MYH15: variants seen among roughly 807,000 people sequenced by gnomAD.
MYH15 encodes myosin heavy chain 15, also known as myosin-15.
Under a neutral mutation model 240.5 loss-of-function variants are expected in MYH15, and 227 were observed. The observed-to-expected ratio is 0.94, with a 90% CI of 0.85 to 1.05. MYH15 has a LOEUF of 1.05. MYH15 is among the 50% of genes least tolerant of loss of function. The pLI is 0.00. For missense variants in MYH15, 2,217 were observed against 2,247.5 expected (o/e 0.99, Z 0.27); for synonymous variants, 785 against 796.7 (o/e 0.99, Z 0.25).
At position 108,454,106 on chromosome 3, in the gene MYH15, C is replaced by T. The variant is rs199678295; in HGVS notation, c.2299G>A (p.Ala767Thr). The T allele has an allele frequency of 8.3e-5, 134 of 1,611,150 alleles. No homozygotes were observed. The highest frequency in any genetic ancestry group is 1.6e-4 in the Middle Eastern group (1 of 6,074). The change falls in exon 21 of 41, where the codon GCA (alanine) becomes ACA (threonine). Residue 767 changes from alanine to threonine, a missense_variant. By Grantham distance (58) the Ala-to-Thr change is moderately conservative (BLOSUM62 0). Transcript: ENST00000693548. ...TTAGATAGTCTCTCATCTCTTATTG[C>T]TTCCAGTTGGCCCAGAAACCCAGCT... Reference protein sequence around the residue: ...FKAGFLGQLEAIRDERLSKVF... With the variant: ...FKAGFLGQLETIRDERLSKVF...
At chr3:108,447,875 CA>C (rs1364361209) in intron 21 of MYH15, among the ~76,000 whole-genome samples, 1 of 151,748 alleles carries the variant, frequency 6.6e-6, no homozygotes, top group Non-Finnish European at 1.5e-5. Flanking sequence ...AGTTAATGTA[CA>C]AAATTATTTT....
chr3:108,470,587 G>T (rs1252787340), intron 13 of MYH15, 111 bp downstream of exon 13: 2 of 1,083,948 alleles, frequency 1.8e-6, no homozygotes, highest in African/African-American at 1.6e-5. Flanking sequence ...TAGCCCTTAA[G>T]GTTTGCATAG....
At chr3:108,529,303 G>A (rs778457160) in exon 1 of MYH15, 1 of 1,571,160 alleles carries the variant, frequency 6.4e-7, no homozygotes, top group East Asian at 2.3e-5. Context: ...CAATTAAAAT[G>A]ATCATATGAA....
At chr3:108,497,915 A>G in intron 6 of MYH15, 137 bp downstream of exon 6, 1 of 652,190 alleles carries the variant, frequency 1.5e-6, no homozygotes. Flanking sequence ...AAATATTTAA[A>G]AAAATACTTT....
At position 108,441,182 on chromosome 3, in the gene MYH15, T is replaced by G; in HGVS notation, c.2734A>C (p.Lys912Gln). ...TCCTCCACCCTCTCCGACAGCTCCT[T>G]TACTCTGGCCTCCAGCTGGATCTTG... ...KSKIQLEARV[K>Q]ELSERVEEEE... is the part of the protein sequence containing the mutation. Residue 912 changes from lysine (K) to glutamine (Q), a missense_variant, in exon 23 of 41, where the codon AAG (lysine) becomes CAG (glutamine). Physicochemically the swap from Lys to Gln is moderately conservative, Grantham distance 53. Coordinates refer to ENST00000693548, the MANE Select transcript of MYH15 (RefSeq NM_014981.3). 1 of 1,614,130 alleles carries G rather than the reference T, an allele frequency of 6.2e-7. No homozygotes were observed. The highest frequency in any genetic ancestry group is 8.5e-7 in the Non-Finnish European group (1 of 1,179,988).
chr3:108,510,564 A>C lies in MYH15; in HGVS notation c.-34T>G, dbSNP rs1292775536. The C allele has an allele frequency of 6.2e-7, 1 of 1,610,920 alleles. No homozygotes were observed. The highest frequency in any genetic ancestry group is 2.2e-5 in the East Asian group (1 of 44,710). ...AAGCAATCCACCAAAAAAAGGCCCT[A>C]AACGTGAGTAGGCAAGATTCAACCT... On this transcript the variant is annotated 5_prime_UTR_variant, in exon 1 of 41. Coordinates refer to ENST00000693548, the MANE Select transcript of MYH15 (RefSeq NM_014981.3).
At chr3:108,392,116 C>A (rs1177188182) in intron 36 of MYH15, among the ~76,000 whole-genome samples, 186 bp from the exon 37 acceptor site, 1 of 152,176 alleles carries the variant, frequency 6.6e-6, no homozygotes, top group South Asian at 2.1e-4. Context: ...GCAATAGAGA[C>A]AGCAGTAGCT....
At chr3:108,402,536 C>G (rs773979546) in intron 33 of MYH15, among the ~76,000 whole-genome samples, 20 of 152,220 alleles carry the variant, frequency 1.3e-4, no homozygotes, top group Non-Finnish European at 2.9e-5. Context: ...GCAAACAAAA[C>G]ATGTAGCTAG....
intron 17 of MYH15, 46 bp from the exon 18 acceptor site, chr3:108,459,495 T>G: frequency 8.6e-7 from 1 of 1,167,720 alleles, no homozygotes; most frequent in Non-Finnish European, 1.2e-6. Flanking sequence ...TGCAAATCAC[T>G]AAAAACACCA....
Position 108,459,444 on chromosome 3 carries a change from G to A in MYH15, c.1938C>T (p.Asn646=), listed in dbSNP as rs372985354. The part of the protein sequence containing the change: ...FQTVASLHKE[N]LNKLMTNLKS... ...TCAGATTAGTCATCAATTTATTCAG[G>A]TTTTCCTAAAATGGAGACCATAATA... The change falls in exon 18 of 41, where the codon AAC becomes AAT. Residue 646 remains asparagine (N), a synonymous_variant. Transcript: ENST00000693548. 1.3e-6 allele frequency: 2 copies of A among 1,597,926 alleles called. No individual in the cohort carries two copies. Among genetic ancestry groups the A allele is most frequent in the Non-Finnish European group, 1.7e-6 (2 of 1,173,166 alleles).
intron 29 of MYH15, 70 bp from the exon 30 acceptor site, chr3:108,414,498 A>ATT: frequency 6.3e-6 from 8 of 1,276,426 alleles, no homozygotes; most frequent in South Asian, 3.2e-5. Flanking sequence ...AAGTAAGCTA[A>ATT]TTTTTTTTTT....
In MYH15 at chr3:108,399,130, T is replaced by A; in HGVS notation, c.4874A>T (p.Asn1625Ile). The change falls in exon 34 of 41, where the codon AAC becomes ATC. Residue 1625 changes from asparagine (N) to isoleucine (I), a missense_variant. Physicochemically the swap from Asn to Ile is moderately radical, Grantham distance 149. Transcript: ENST00000693548. ...NEMELQLSCA[N>I]RQVSEATKSL... is the part of the protein sequence containing the mutation. The stretch of plus-strand genomic sequence containing the variant: ...TTTGGTTGCTTCTGACACCTGCCGG[T>A]TGGCACAGCTAAGCTGGAGTTCCAT... The A allele has an allele frequency of 6.2e-7, 1 of 1,614,198 alleles. No individual in the cohort carries two copies.
At chr3:108,430,690 C>G (rs1433842066) in intron 26 of MYH15, 142 bp downstream of exon 26, 2 of 537,730 alleles carry the variant, frequency 3.7e-6, no homozygotes, top group Non-Finnish European at 6.4e-6. Flanking sequence ...CACAGTTTCC[C>G]TTCTTAACCA....
chr3:108,428,397 T>C, intron 27 of MYH15, 95 bp downstream of exon 27: 1 of 1,402,222 alleles, frequency 7.1e-7, no homozygotes, highest in Non-Finnish European at 9.7e-7. Flanking sequence ...ACTGAGTCAC[T>C]AAGCTGGCTT....
chr3:108,478,188 T>G (rs2083236755), intron 11 of MYH15, among the ~76,000 whole-genome samples: 1 of 152,190 alleles, frequency 6.6e-6, no homozygotes, highest in South Asian at 2.1e-4. Context: ...CTCGTCTGTA[T>G]TAGCAATATC....
intron 21 of MYH15, among the ~76,000 whole-genome samples, chr3:108,451,502 T>C (rs942364312): frequency 3.3e-5 from 5 of 152,130 alleles, no homozygotes; most frequent in African/African-American, 1.2e-4. Context: ...AAATATCTCA[T>C]TAGACATGTA....
upstream of MYH15, among the ~76,000 whole-genome samples, chr3:108,511,650 A>G (rs9835234): frequency 0.019 from 2,966 of 152,304 alleles, 106 homozygotes; most frequent in African/African-American, 0.068. Context: ...TCACTCAAGC[A>G]TGCAAGGCAA....
rs781725412 is a variant in MYH15 at position 108,441,118 on chromosome 3, C to T, written c.2798G>A (p.Arg933Gln). The change falls in exon 23 of 41, where the codon CGG (arginine) becomes CAG (glutamine). Residue 933 changes from arginine (R) to glutamine (Q), a missense_variant. Coordinates refer to ENST00000693548, the MANE Select transcript of MYH15 (RefSeq NM_014981.3). ...EINSELTARG[R>Q]KLEDECFELK... ...CTCAAAACATTCATCTTCGAGTTTC[C>T]GCCCCCTGGCAGTCAGCTCAGAATT... The T allele has an allele frequency of 1.4e-5, 23 of 1,614,000 alleles. No homozygotes were observed. The highest frequency in any genetic ancestry group is 1.1e-4 in the East Asian group (5 of 44,894).
chr3:108,469,553 T>C (rs954144620), intron 14 of MYH15, among the ~76,000 whole-genome samples: 5 of 152,194 alleles, frequency 3.3e-5, no homozygotes, highest in African/African-American at 1.2e-4. Flanking sequence ...TTAAACTAAC[T>C]GGTACTTGTC....
Sources: allele counts gnomAD v4.1 joint callset (sites outside exome capture counted in the v4.1 genomes callset), GRCh38; gene constraint gnomAD v4.1.1; transcripts MANE v1.5; gene names NCBI Gene and HGNC (gene_info 2026-07-23, HGNC 2026-07-21).